The following PTPN9 variants were observed in gnomAD, a reference collection of about 807,000 sequenced individuals.
PTPN9 encodes the protein protein tyrosine phosphatase non-receptor type 9.
Under a neutral mutation model 69.8 loss-of-function variants are expected in PTPN9, and 26 were observed. The ratio of observed to expected loss-of-function variants is 0.37; its 90% CI spans 0.27 to 0.52. The LOEUF (loss-of-function observed/expected upper bound fraction) is 0.52, where lower values mean the gene tolerates loss of function less well. Ranked by LOEUF, PTPN9 falls within the 20% of genes least tolerant of loss-of-function variation. PTPN9 has a pLI of 0.91. For missense variants in PTPN9, 549 were observed against 740.3 expected, an observed-to-expected ratio of 0.74 and a Z score of 3.00; for synonymous variants, 274 against 272.5, an observed-to-expected ratio of 1.01 and a Z score of -0.05.
chr15:75,525,916 C>T (rs2074925445), intron 2 of PTPN9, among the ~76,000 whole-genome samples: 1 of 151,370 alleles, frequency 6.6e-6, no homozygotes, highest in South Asian at 2.1e-4. Flanking sequence ...CACAGCAAGA[C>T]TCTGTCTCAA....
At chr15:75,526,002 CTTTT>C (rs1001242181) in intron 2 of PTPN9, among the ~76,000 whole-genome samples, 2 of 142,648 alleles carry the variant, frequency 1.4e-5, no homozygotes, top group African/African-American at 5.1e-5. Flanking sequence ...TTTTCTCTTT[CTTTT>C]TTTTTTTTTT....
At chr15:75,477,749 G>A (rs2074604108) in intron 9 of PTPN9, among the ~76,000 whole-genome samples, 1 of 149,164 alleles carries the variant, frequency 6.7e-6, no homozygotes, top group Admixed American at 6.7e-5. Context: ...TGGATACAAT[G>A]TTGGCTAAAA....
intron 7 of PTPN9, among the ~76,000 whole-genome samples, chr15:75,503,604 G>A (rs2074789727): frequency 7.3e-6 from 1 of 137,788 alleles, no homozygotes; most frequent in Non-Finnish European, 1.6e-5. Flanking sequence ...GGGGGGGTCA[G>A]CCCCCCGCCC....
rs200204488 is a variant in PTPN9 at position 75,565,109 on chromosome 15, TATAATAATAATAATA to T, written c.63+13590_63+13604del. 2.1e-3 allele frequency among the ~76,000 whole-genome samples: 300 copies of T among 141,796 alleles called. 1 individual carries two copies. The highest frequency in any genetic ancestry group is 5.1e-3 in the South Asian group (23 of 4,478). The allele number at this position is 141,796 out of a possible 152,430, so 93.0% of individuals were successfully genotyped here. On this transcript the variant is annotated intron_variant, in intron 1 of 12. Transcript: ENST00000618819. ...GAAAAAGACTCCGTCTCAAAAAATATATAATAATAATAATAATAATAATAATAATAATAATAATAA... is the reference window on the plus strand; with the variant it reads ...GAAAAAGACTCCGTCTCAAAAAATATATAATAATAATAATAATAATAATAA...
At chr15:75,556,357 C>T (rs548275472) in intron 1 of PTPN9, among the ~76,000 whole-genome samples, 4 of 150,758 alleles carry the variant, frequency 2.7e-5, no homozygotes, top group South Asian at 2.1e-4. Context: ...GCCACTGCAC[C>T]GGCCTTTTTT....
intron 7 of PTPN9, among the ~76,000 whole-genome samples, chr15:75,499,076 A>G (rs1018978911): frequency 6.6e-6 from 1 of 152,188 alleles, no homozygotes; most frequent in Admixed American, 6.6e-5. Context: ...ATCTACAATT[A>G]TAAGAAAAAG....
chr15:75,539,638 G>A (rs2074999951), intron 1 of PTPN9, among the ~76,000 whole-genome samples: 1 of 151,610 alleles, frequency 6.6e-6, no homozygotes, highest in African/African-American at 2.4e-5. Flanking sequence ...GGACCACGAA[G>A]GTAGAAATGT....
intron 8 of PTPN9, among the ~76,000 whole-genome samples, chr15:75,483,690 T>G (rs1335848575): frequency 1.3e-5 from 2 of 152,142 alleles, no homozygotes; most frequent in Non-Finnish European, 2.9e-5. Flanking sequence ...ATAGGTAAAT[T>G]GTATGGTATG....
At chr15:75,517,452 A>T in intron 4 of PTPN9, 88 bp from the exon 5 acceptor site, 1 of 941,828 alleles carries the variant, frequency 1.1e-6, no homozygotes, top group Non-Finnish European at 1.7e-6. Context: ...AAAACCTGAG[A>T]GTATGAGACA....
chr15:75,552,264 G>A (rs148927765), intron 1 of PTPN9, among the ~76,000 whole-genome samples: 263 of 151,938 alleles, frequency 1.7e-3, no homozygotes, highest in African/African-American at 6.0e-3. Flanking sequence ...AAAATTAACG[G>A]GGCATGGTGG....
chr15:75,560,498 GC>G (rs2075099785), intron 1 of PTPN9, among the ~76,000 whole-genome samples: 1 of 152,062 alleles, frequency 6.6e-6, no homozygotes. Flanking sequence ...AAGTCTTCAG[GC>G]CTTTCTCTCA....
chr15:75,526,091 G>A (rs1480155232), intron 2 of PTPN9, among the ~76,000 whole-genome samples: 1 of 151,120 alleles, frequency 6.6e-6, no homozygotes, highest in African/African-American at 2.4e-5. Context: ...CACCTCCTTG[G>A]TTCAAGTGAT....
intron 1 of PTPN9, among the ~76,000 whole-genome samples, chr15:75,530,117 G>A (rs1324512629): frequency 1.4e-5 from 2 of 145,932 alleles, no homozygotes; most frequent in Admixed American, 7.2e-5. Flanking sequence ...CAGAAGAATC[G>A]CTTGAACCAG....
At chr15:75,523,013 G>A (rs1025742273) in intron 4 of PTPN9, 108 bp downstream of exon 4, 1 of 1,317,040 alleles carries the variant, frequency 7.6e-7, no homozygotes, top group African/African-American at 1.5e-5. Flanking sequence ...GCATTGCCCA[G>A]GGCACATCCT....
chr15:75,525,844 A>AGC (rs2074925137), intron 2 of PTPN9, among the ~76,000 whole-genome samples: 1 of 151,632 alleles, frequency 6.6e-6, no homozygotes, highest in Non-Finnish European at 1.5e-5. Context: ...GGATCACTTG[A>AGC]GCTCAGGAGG....
chr15:75,515,212 G>A (rs1206042329), intron 5 of PTPN9, among the ~76,000 whole-genome samples: 1 of 150,880 alleles, frequency 6.6e-6, no homozygotes, highest in African/African-American at 2.4e-5. Context: ...CAGTTCACAA[G>A]GTGAGGAGAT....
At position 75,578,968 on chromosome 15, in the gene PTPN9, C is replaced by G. The variant is rs1487276229; in HGVS notation, c.-192G>C. The G allele has an allele frequency of 2.0e-5, 6 of 296,602 alleles. No individual in the cohort carries two copies. The South Asian group carries it at 6.5e-4, about 32-fold the overall frequency. 18.4% of individuals were successfully genotyped at this position (296,602 alleles called of 1,614,324 possible). On this transcript the variant is annotated 5_prime_UTR_variant, in exon 1 of 13. Transcript: ENST00000618819. ...CTTCCTTAAGAAAAATCTCTCCGAA[C>G]TGCCGCTCTCTTCCGGGAGGAAATC...
At chr15:75,543,120 A>G (rs1218944085) in intron 1 of PTPN9, among the ~76,000 whole-genome samples, 1 of 150,908 alleles carries the variant, frequency 6.6e-6, no homozygotes, top group Non-Finnish European at 1.5e-5. Flanking sequence ...TGTCCTTGCA[A>G]TACTTTGCTG....
chr15:75,490,880 C>T (rs985839252), intron 7 of PTPN9, among the ~76,000 whole-genome samples: 1 of 152,102 alleles, frequency 6.6e-6, no homozygotes, highest in Non-Finnish European at 1.5e-5. Flanking sequence ...CCGCCTCGGC[C>T]TCCCAAAGTG....
Sources: allele counts gnomAD v4.1 joint callset (sites outside exome capture counted in the v4.1 genomes callset), GRCh38; gene constraint gnomAD v4.1.1; transcripts MANE v1.5; gene names NCBI Gene and HGNC (gene_info 2026-07-23, HGNC 2026-07-21).